Variants in SUN1 observed in about 807,000 individuals in gnomAD.
The protein encoded by SUN1 is SUN domain-containing protein 1.
A neutral mutation model predicts 103.2 loss-of-function variants in SUN1; 61 were observed. The ratio of observed to expected loss-of-function variants is 0.59; its 90% CI spans 0.48 to 0.73. SUN1 has a LOEUF of 0.73. Among genes scored for constraint, SUN1 ranks in the 30% least tolerant of loss-of-function variants. The pLI, the probability that SUN1 is intolerant of heterozygous loss-of-function variation, is 0.00. For synonymous variants in SUN1, 490 were observed against 425.7 expected, an observed-to-expected ratio of 1.15 and a Z score of -1.86; for missense variants, 1,052 against 1,034.6, an observed-to-expected ratio of 1.02 and a Z score of -0.23.
At position 841,976 on chromosome 7, in the gene SUN1, A is replaced by G. The variant is rs1251657170; in HGVS notation, c.297A>G (p.Lys99=). 1 of 1,614,232 alleles carries G rather than the reference A, an allele frequency of 6.2e-7. No individual in the cohort carries two copies. Among genetic ancestry groups the G allele is most frequent in the Non-Finnish European group, 8.5e-7 (1 of 1,180,058 alleles). ...RTTKQRRSTN[K]SAFSINHVSR... is the part of the protein sequence containing the mutation. ...CAAAACAGCGCAGAAGCACAAACAA[A>G]TCAGCTTTTAGTATCAACCACGTGT... Residue 99 remains lysine, a synonymous_variant, in exon 3 of 19, where the codon AAA becomes AAG. Transcript: ENST00000401592.
At chr7:828,732 C>T (rs1329920504), upstream of SUN1, among the ~76,000 whole-genome samples, 1 of 152,234 alleles carries the variant, frequency 6.6e-6, no homozygotes, top group Non-Finnish European at 1.5e-5. Context: ...GGGTGACAGG[C>T]ATCCCTGGCC....
chr7:856,359 C>G lies in SUN1; in HGVS notation c.1352C>G (p.Ala451Gly), dbSNP rs1827294027. 1 of 1,613,698 alleles carries G rather than the reference C, an allele frequency of 6.2e-7. No homozygotes were observed. The highest frequency in any genetic ancestry group is 1.3e-5 in the African/African-American group (1 of 74,854). The change falls in exon 12 of 19, where the codon GCC becomes GGC. Residue 451 changes from alanine (A) to glycine (G), a missense_variant and splice_region_variant. Around this residue, in one of 2 missense-constraint regions of SUN1, gnomAD observed 846 missense variants for 774.5 expected, o/e 1.09. Coordinates refer to ENST00000401592, the MANE Select transcript of SUN1 (RefSeq NM_001130965.3). ...ILGKLREKSEAIQKELEQTKQ... is the reference protein window; with the variant it reads ...ILGKLREKSEGIQKELEQTKQ... ...TAGACTATTTCTCATACTTTTTAGGCCATCCAGAAGGAACTAGAACAGACC... is the reference window on the plus strand; with the variant it reads ...TAGACTATTTCTCATACTTTTTAGGGCATCCAGAAGGAACTAGAACAGACC...
intron 11 of SUN1, among the ~76,000 whole-genome samples, chr7:855,401 T>A (rs1327110400): frequency 2.0e-5 from 3 of 152,180 alleles, no homozygotes; most frequent in Non-Finnish European, 4.4e-5. Context: ...GCACTAGCTT[T>A]GGGTGGGAAG....
rs535946606 is a variant in SUN1, at chr7:866,052, G to T, written c.1965G>T (p.Pro655=). ...CGCTGTGGTACTTCTCGCAGTCCCC[G>T]CGCGTGGTCATCCAGGTGAGTGGCC... is the stretch of plus-strand genomic sequence containing the variant. ...GIPLWYFSQS[P]RVVIQPDIYP... Residue 655 remains proline (P), a synonymous_variant, in exon 16 of 19, where the codon CCG becomes CCT. Transcript: ENST00000401592. 6.2e-7 allele frequency: 1 copy of T among 1,614,046 alleles called. No homozygotes were observed. The highest frequency in any genetic ancestry group is 1.7e-5 in the Admixed American group (1 of 60,022).
upstream of SUN1, among the ~76,000 whole-genome samples, chr7:827,713 A>G (rs925215113): frequency 1.3e-5 from 2 of 150,648 alleles, no homozygotes; most frequent in African/African-American, 2.4e-5. Flanking sequence ...TGATCCTCCC[A>G]CCTTGGCCTC....
chr7:868,279 C>T (rs913131361), intron 16 of SUN1, among the ~76,000 whole-genome samples: 1 of 152,254 alleles, frequency 6.6e-6, no homozygotes, highest in African/African-American at 2.4e-5. Context: ...CCTGTGTGTG[C>T]CTGGGGACGC....
At chr7:830,678 C>G (rs1797097982), upstream of SUN1, among the ~76,000 whole-genome samples, 1 of 152,178 alleles carries the variant, frequency 6.6e-6, no homozygotes, top group South Asian at 2.1e-4. Flanking sequence ...CCTGGCTGCC[C>G]TAATGGCCTT....
In SUN1 at chr7:852,302, G is replaced by A. The variant is rs1584879076; in HGVS notation, c.851+259G>A. On this transcript the variant is annotated intron_variant, in intron 7 of 18. Coordinates refer to ENST00000401592, the MANE Select transcript of SUN1 (RefSeq NM_001130965.3). ...GGGCAGGATGGGGGACCCAGGTCCAGGCTTCTGCCCTGCTGCAGTTCCCAG... is the reference window on the plus strand; with the variant it reads ...GGGCAGGATGGGGGACCCAGGTCCAAGCTTCTGCCCTGCTGCAGTTCCCAG... 1.8e-5 allele frequency: 11 copies of A among 596,252 alleles called. 1 individual carries two copies. In the East Asian group the frequency reaches 3.1e-4, roughly 17 times the overall value. 36.9% of individuals were successfully genotyped at this position (596,252 alleles called of 1,614,324 possible). A position where few individuals can be genotyped will look rare whatever the true frequency, so the allele number is the denominator to read the frequency against.
intron 15 of SUN1, among the ~76,000 whole-genome samples, chr7:863,021 A>C (rs1833417528): frequency 6.6e-6 from 1 of 152,144 alleles, no homozygotes; most frequent in Non-Finnish European, 1.5e-5. Flanking sequence ...GGGCGCCTGT[A>C]GTCCCAGCTA....
At chr7:839,903 T>C (rs1391087595) in intron 2 of SUN1, among the ~76,000 whole-genome samples, 1 of 152,228 alleles carries the variant, frequency 6.6e-6, no homozygotes, top group African/African-American at 2.4e-5. Context: ...AACTGACAAA[T>C]ACATAAAGTT....
rs1016186206 is a variant in SUN1, at chr7:817,342, G to A, written c.-74+669G>A. ...AGGCTCAAGCGATCCCCTCGCCCCA[G>A]CCTGCCTGGAGGCGCGCGCGTGGTC... On this transcript the variant is annotated intron_variant, in intron 1 of 17. Coordinates refer to the SUN1 transcript ENST00000389574. 13 of 1,388,740 alleles carry A rather than the reference G, an allele frequency of 9.4e-6. No individual in the cohort carries two copies. The African/African-American group carries it at 1.4e-4, about 15-fold the overall frequency. The allele number at this position is 1,388,740 out of a possible 1,614,324, so 86.0% of individuals were successfully genotyped here. A position where few individuals can be genotyped will look rare whatever the true frequency, so the allele number is the denominator to read the frequency against.
intron 5 of SUN1, chr7:848,611 A>G (rs1207928500): frequency 1.5e-6 from 2 of 1,328,326 alleles, no homozygotes. Flanking sequence ...GCCATGAATC[A>G]AAAGGTATTT....
intron 18 of SUN1, among the ~76,000 whole-genome samples, chr7:872,848 C>G (rs547413013): frequency 1.9e-4 from 29 of 152,086 alleles, no homozygotes; most frequent in African/African-American, 7.0e-4. Context: ...CAGCACTTTG[C>G]GGGGCCGAGG....
At chr7:817,422 G>C in intron 1 of SUN1, 3 of 1,535,954 alleles carry the variant, frequency 2.0e-6, no homozygotes, top group Non-Finnish European at 2.6e-6. Flanking sequence ...TGCAAAATAA[G>C]CAGCGGCGGG....
At position 873,215 on chromosome 7, in the gene SUN1, A is replaced by G. The variant is rs780629087; in HGVS notation, c.2242A>G (p.Lys748Glu). 2 of 1,614,090 alleles carry G rather than the reference A, an allele frequency of 1.2e-6. No individual in the cohort carries two copies. Among genetic ancestry groups the G allele is most frequent in the African/African-American group, 2.7e-5 (2 of 74,956 alleles). The change falls in exon 19 of 19, where the codon AAA (lysine) becomes GAA (glutamate). Residue 748 changes from lysine to glutamate, a missense_variant and splice_region_variant. Coordinates refer to ENST00000401592, the MANE Select transcript of SUN1 (RefSeq NM_001130965.3). ...GESLQMFQAL[K>E]RPDDTAFQIV... is the part of the protein sequence containing the mutation. ...TGTGTTTTTCCCACCTTGATTTCAGAAAAGACCCGACGACACAGCTTTCCA... is the reference window on the plus strand; with the variant it reads ...TGTGTTTTTCCCACCTTGATTTCAGGAAAGACCCGACGACACAGCTTTCCA...
chr7:852,674 C>A lies in SUN1; in HGVS notation c.910+7C>A, dbSNP rs1823355757. 6.2e-7 allele frequency: 1 copy of A among 1,614,034 alleles called. No homozygotes were observed. Among genetic ancestry groups the A allele is most frequent in the Non-Finnish European group, 8.5e-7 (1 of 1,180,046 alleles). ...CCACTCTTCCTTTTACTAGGTAAGT[C>A]AAATCTGGCTGAGTTGCCTCCGATG... On this transcript the variant is annotated splice_region_variant and intron_variant, in intron 8 of 18. Coordinates refer to ENST00000401592, the MANE Select transcript of SUN1 (RefSeq NM_001130965.3).
chr7:852,989 C>T lies in SUN1; in HGVS notation c.1053+37C>T, dbSNP rs745805119. 3 of 1,586,970 alleles carry T rather than the reference C, an allele frequency of 1.9e-6. No individual in the cohort carries two copies. The South Asian group carries it at 3.4e-5, about 18-fold the overall frequency. On this transcript the variant is annotated intron_variant, in intron 9 of 18. Transcript: ENST00000401592. ...GAAAGGCCTCTCAGCTGGCACTGCA[C>T]ATGTGAGGTCTTCAGGGACGTTCCA...
intron 11 of SUN1, 128 bp from the exon 12 acceptor site, chr7:856,230 C>G (rs1056859750): frequency 1.1e-6 from 1 of 906,860 alleles, no homozygotes; most frequent in African/African-American, 1.7e-5. Context: ...CTGCCACCCA[C>G]AGGCAGATCT....
intron 1 of SUN1, among the ~76,000 whole-genome samples, chr7:820,366 C>G (rs1193330483): frequency 1.3e-5 from 2 of 152,196 alleles, no homozygotes; most frequent in African/African-American, 4.8e-5. Flanking sequence ...CCCAATTTCA[C>G]TTCCAGATTG....
Sources: allele counts gnomAD v4.1 joint callset (sites outside exome capture counted in the v4.1 genomes callset), GRCh38; gene constraint gnomAD v4.1.1; regional missense constraint gnomAD v4.1.1; transcripts MANE v1.5; gene names NCBI Gene and HGNC (gene_info 2026-07-23, HGNC 2026-07-21).